The following EXOC6 variants were observed in gnomAD, a reference collection of about 807,000 sequenced individuals.
EXOC6 encodes the protein exocyst complex component 6.
A neutral mutation model predicts 112.5 loss-of-function variants in EXOC6; 60 were observed. The ratio of observed to expected loss-of-function variants is 0.53; its 90% CI spans 0.43 to 0.66. The LOEUF is 0.66. Among genes scored for constraint, EXOC6 ranks in the 30% least tolerant of loss-of-function variants. EXOC6 has a pLI of 0.00. For missense variants in EXOC6, 855 were observed against 957.1 expected, an observed-to-expected ratio of 0.89 and a Z score of 1.41; for synonymous variants, 295 against 308.0, an observed-to-expected ratio of 0.96 and a Z score of 0.44.
chr10:93,025,148 T>G (rs7916994), intron 20 of EXOC6, among the ~76,000 whole-genome samples: 11,317 of 152,266 alleles, frequency 0.074, 486 homozygotes, highest in South Asian at 0.15. Context: ...TAAAAATAAT[T>G]TTTTTTAAAT....
intron 19 of EXOC6, among the ~76,000 whole-genome samples, chr10:93,011,696 A>G (rs7071682): frequency 6.6e-6 from 1 of 150,830 alleles, no homozygotes; most frequent in Non-Finnish European, 1.5e-5. Flanking sequence ...ATCGTTTTTC[A>G]GTTAAGATGT....
At chr10:92,839,236 T>C (rs1199644498) in intron 1 of EXOC6, among the ~76,000 whole-genome samples, 1 of 152,200 alleles carries the variant, frequency 6.6e-6, no homozygotes, top group Admixed American at 6.5e-5. Flanking sequence ...TCATTCTGTT[T>C]AGGTTTCCTG....
chr10:92,976,690 A>AC (rs1461244448), intron 18 of EXOC6, among the ~76,000 whole-genome samples: 38 of 152,084 alleles, frequency 2.5e-4, no homozygotes, highest in Middle Eastern at 3.4e-3. Context: ...AAAAAAAAAA[A>AC]ACATAATTAA....
chr10:92,928,320 T>C lies in EXOC6; in HGVS notation c.889-19T>C, dbSNP rs1374208156. Reference sequence around the variant, plus strand: ...TGTGTGTATGTGTATTTTTCATTACTCTGCTGATTTTATTTTAGGGTGACG... The same window carrying C: ...TGTGTGTATGTGTATTTTTCATTACCCTGCTGATTTTATTTTAGGGTGACG... On this transcript the variant is annotated intron_variant, in intron 8 of 21. Coordinates refer to ENST00000260762, the MANE Select transcript of EXOC6 (RefSeq NM_019053.6). The C allele has an allele frequency of 2.1e-5, 31 of 1,497,168 alleles. No homozygotes were observed. Among genetic ancestry groups the C allele is most frequent in the Non-Finnish European group, 2.8e-5 (30 of 1,077,884 alleles). 92.7% of individuals were successfully genotyped at this position (1,497,168 alleles called of 1,614,324 possible).
At chr10:92,884,844 G>A (rs537178785) in intron 1 of EXOC6, among the ~76,000 whole-genome samples, 2 of 151,902 alleles carry the variant, frequency 1.3e-5, no homozygotes, top group South Asian at 2.1e-4. Context: ...ATAATACATC[G>A]TGAATGTTGG....
intron 14 of EXOC6, among the ~76,000 whole-genome samples, 194 bp downstream of exon 14, chr10:92,948,573 C>CACTACTACTACTACTACTACTACCACT (rs1853186095): frequency 5.7e-5 from 8 of 140,184 alleles, no homozygotes; most frequent in African/African-American, 1.3e-4. Context: ...CTACTACTAC[C>CACTACTACTACTACTACTACTACCACT]ACTACTACTA....
intron 19 of EXOC6, among the ~76,000 whole-genome samples, chr10:93,003,991 T>C (rs2049604215): frequency 6.6e-6 from 1 of 152,324 alleles, no homozygotes; most frequent in African/African-American, 2.4e-5. Flanking sequence ...GACCATGACA[T>C]GATTAAATCT....
At chr10:92,930,525 T>TAATAAA (rs1554896683) in intron 9 of EXOC6, among the ~76,000 whole-genome samples, 7 of 150,704 alleles carry the variant, frequency 4.6e-5, no homozygotes, top group African/African-American at 1.2e-4. Context: ...ATAATAATAA[T>TAATAAA]AAATAGAAAA....
chr10:92,871,193 T>C (rs1303204832), intron 1 of EXOC6, among the ~76,000 whole-genome samples: 2 of 152,140 alleles, frequency 1.3e-5, no homozygotes, highest in Admixed American at 6.5e-5. Context: ...TTCTTCAAGT[T>C]TATCAAATTT....
At chr10:93,057,145 TAA>T (rs1846582797) in intron 21 of EXOC6, 109 bp downstream of exon 21, 1 of 582,314 alleles carries the variant, frequency 1.7e-6, no homozygotes, top group Non-Finnish European at 2.9e-6. Flanking sequence ...AGATGGAGCT[TAA>T]AAGCTCACTC....
chr10:92,992,333 A>T (rs1186737275), intron 18 of EXOC6, among the ~76,000 whole-genome samples: 1 of 150,764 alleles, frequency 6.6e-6, no homozygotes, highest in Non-Finnish European at 1.5e-5. Flanking sequence ...AGGTAGTATT[A>T]ATGTTATTTG....
chr10:92,995,389 G>A lies in EXOC6; in HGVS notation c.1954-2085G>A, dbSNP rs546595245. ...AAAACAATACCACTTATATTGTACA[G>A]TGTGTTTGCTTATGAAATTAATTTA... On this transcript the variant is annotated intron_variant, in intron 18 of 21. Coordinates refer to ENST00000260762, the MANE Select transcript of EXOC6 (RefSeq NM_019053.6). Among the ~76,000 whole-genome samples the A allele has an allele frequency of 3.4e-5, 5 of 146,226 alleles. No individual in the cohort carries two copies. In the South Asian group the frequency reaches 1.1e-3, roughly 32 times the overall value.
Position 92,909,743 on chromosome 10 carries a change from TTCTTA to T in EXOC6, c.663+117_663+121del, listed in dbSNP as rs1850635719. 1.8e-5 allele frequency: 12 copies of T among 650,162 alleles called. No individual in the cohort carries two copies. In the South Asian group the frequency reaches 2.7e-4, roughly 15 times the overall value. 40.3% of individuals were successfully genotyped at this position (650,162 alleles called of 1,614,324 possible). On this transcript the variant is annotated intron_variant, in intron 6 of 21. Transcript: ENST00000260762. Reference sequence around the variant, plus strand: ...AAATGCTTATTTTTGTTTTACCTTTTTCTTATCTTTTCTGGTTATTGTTTAGAAAG... The same window carrying T: ...AAATGCTTATTTTTGTTTTACCTTTTTCTTTTCTGGTTATTGTTTAGAAAG...
intron 18 of EXOC6, among the ~76,000 whole-genome samples, chr10:92,984,517 G>GT (rs1431464784): frequency 1.3e-5 from 2 of 151,358 alleles, no homozygotes; most frequent in East Asian, 1.9e-4. Flanking sequence ...CAGGCTTCTT[G>GT]TTTTTTTGTT....
intron 18 of EXOC6, 64 bp downstream of exon 18, chr10:92,974,296 G>T (rs1346300828): frequency 2.5e-6 from 3 of 1,182,168 alleles, no homozygotes; most frequent in Non-Finnish European, 3.4e-6. Context: ...TTAGAATTTA[G>T]TTTGAGGTTT....
chr10:92,898,848 AT>A (rs1849982015), intron 4 of EXOC6, among the ~76,000 whole-genome samples: 1 of 152,122 alleles, frequency 6.6e-6, no homozygotes, highest in South Asian at 2.1e-4. Context: ...CTGGAAAAAA[AT>A]GTTGTCTGTC....
At chr10:93,050,779 A>AAAAAAAAAAAAAAAG (rs1846250532) in intron 20 of EXOC6, among the ~76,000 whole-genome samples, 3 of 148,038 alleles carry the variant, frequency 2.0e-5, no homozygotes, top group South Asian at 2.2e-4. Context: ...AAAAAAAAAA[A>AAAAAAAAAAAAAAAG]AAGAATTGCT....
intron 9 of EXOC6, among the ~76,000 whole-genome samples, chr10:92,928,749 A>G (rs1851859458): frequency 6.6e-6 from 1 of 152,212 alleles, no homozygotes; most frequent in Non-Finnish European, 1.5e-5. Context: ...TGTCCCACTG[A>G]AAATACAACT....
chr10:92,974,687 T>G (rs905861354), intron 18 of EXOC6, among the ~76,000 whole-genome samples: 2 of 152,228 alleles, frequency 1.3e-5, no homozygotes, highest in South Asian at 2.1e-4. Context: ...TGCCTCAGCC[T>G]GCCGAGTGCC....
Sources: allele counts gnomAD v4.1 joint callset (sites outside exome capture counted in the v4.1 genomes callset), GRCh38; gene constraint gnomAD v4.1.1; transcripts MANE v1.5; gene names NCBI Gene and HGNC (gene_info 2026-07-23, HGNC 2026-07-21).